The following INSL6 variants were observed in gnomAD, a reference collection of about 807,000 sequenced individuals.
INSL6 encodes the protein insulin like 6.
INSL6 carries 16 observed loss-of-function variants against 9.4 expected under a neutral mutation model. That is an observed-to-expected ratio of 1.70 (90% confidence interval 1.15 to 2.59). The LOEUF (loss-of-function observed/expected upper bound fraction) is 2.59, where lower values mean the gene tolerates loss of function less well. INSL6 is among the 30% of genes most tolerant of loss of function. The pLI is 0.00. For synonymous variants in INSL6, 154 were observed against 96.9 expected (o/e 1.59, Z -3.46); for missense variants, 391 against 257.3 (o/e 1.52, Z -3.56).
chr9:5,122,352 A>G (rs1245891733), downstream of INSL6, among the ~76,000 whole-genome samples: 1 of 152,040 alleles, frequency 6.6e-6, no homozygotes, highest in Admixed American at 6.6e-5. Context: ...TGTATTCCTT[A>G]GTCACCCCTC....
At chr9:5,168,606 T>A (rs185122510) in intron 1 of INSL6, among the ~76,000 whole-genome samples, 3 of 151,616 alleles carry the variant, frequency 2.0e-5, no homozygotes, top group African/African-American at 7.3e-5. Context: ...CTATGACTAA[T>A]AGGGGCACCT....
chr9:5,123,428 T>A (rs962759597), downstream of INSL6, among the ~76,000 whole-genome samples: 13 of 151,998 alleles, frequency 8.6e-5, no homozygotes, highest in Admixed American at 3.9e-4. Flanking sequence ...TATGGCTGAT[T>A]TGTTTCACTT....
At chr9:5,030,015 A>G in the INSL6 span, 1 of 826,490 alleles carries the variant, frequency 1.2e-6, no homozygotes, top group Non-Finnish European at 1.8e-6. Context: ...TGAACCAATT[A>G]GTTAGCACTC....
At chr9:5,057,638 A>C in the INSL6 span, among the ~76,000 whole-genome samples, 2 of 146,180 alleles carry the variant, frequency 1.4e-5, no homozygotes, top group East Asian at 2.0e-4. Context: ...GCTGGAGCAC[A>C]ATGGCGCGAT....
chr9:5,082,999 A>C, the INSL6 span, among the ~76,000 whole-genome samples: 1 of 152,218 alleles, frequency 6.6e-6, no homozygotes, highest in Non-Finnish European at 1.5e-5. Context: ...TTTTCCCTAT[A>C]ACTGAAGAAC....
chr9:5,183,405 C>G (rs1043348197), intron 1 of INSL6, among the ~76,000 whole-genome samples: 1 of 152,124 alleles, frequency 6.6e-6, no homozygotes, highest in African/African-American at 2.4e-5. Context: ...TTTTCAGATA[C>G]ATTTTTATTT....
chr9:5,080,577 G>C, the INSL6 span: 1 of 1,602,022 alleles, frequency 6.2e-7, no homozygotes, highest in Non-Finnish European at 8.5e-7. Context: ...CTGCACCAAA[G>C]TGGGCAGAAT....
chr9:5,013,942 T>G, the INSL6 span, among the ~76,000 whole-genome samples: 1 of 152,138 alleles, frequency 6.6e-6, no homozygotes, highest in Non-Finnish European at 1.5e-5. Flanking sequence ...AGGATGAAAC[T>G]TATTTTTAGG....
chr9:5,041,311 C>A, the INSL6 span: 1 of 789,170 alleles, frequency 1.3e-6, no homozygotes, highest in Non-Finnish European at 2.1e-6. Flanking sequence ...AGAAGCACAT[C>A]CCGTGCAGCC....
At chr9:5,178,497 G>A (rs1825370388) in intron 1 of INSL6, among the ~76,000 whole-genome samples, 1 of 151,902 alleles carries the variant, frequency 6.6e-6, no homozygotes, top group Non-Finnish European at 1.5e-5. Context: ...AGCCACTCCA[G>A]CCAGAGTTAT....
At chr9:5,110,692 A>T in the INSL6 span, 1 of 333,034 alleles carries the variant, frequency 3.0e-6, no homozygotes, top group Non-Finnish European at 5.9e-6. Context: ...AGCCCTTTCT[A>T]TTACTCTTAC....
At chr9:5,180,037 A>G (rs1331186087) in intron 1 of INSL6, among the ~76,000 whole-genome samples, 1 of 152,228 alleles carries the variant, frequency 6.6e-6, no homozygotes, top group Non-Finnish European at 1.5e-5. Context: ...TCCTCTTCAA[A>G]TTAGTGTATA....
the INSL6 span, among the ~76,000 whole-genome samples, chr9:5,021,381 G>A: frequency 6.6e-6 from 1 of 152,116 alleles, no homozygotes; most frequent in South Asian, 2.1e-4. Context: ...CTGTAACTGA[G>A]TTTAATGCTT....
chr9:5,121,404 C>G (rs370993942), downstream of INSL6, among the ~76,000 whole-genome samples: 1 of 152,152 alleles, frequency 6.6e-6, no homozygotes, highest in African/African-American at 2.4e-5. Flanking sequence ...ATTCTAAATT[C>G]ACTTGGTAAT....
the INSL6 span, among the ~76,000 whole-genome samples, chr9:5,115,203 TAAAC>T: frequency 3.9e-5 from 6 of 151,960 alleles, no homozygotes; most frequent in African/African-American, 1.2e-4. Flanking sequence ...ACAAAGAACT[TAAAC>T]AAGTTCACAA....
the INSL6 span, among the ~76,000 whole-genome samples, chr9:4,998,542 A>G: frequency 6.6e-6 from 1 of 152,274 alleles, no homozygotes; most frequent in Non-Finnish European, 1.5e-5. Flanking sequence ...GGCATGAGCC[A>G]CCATGCCCGG....
At chr9:5,132,012 T>A (rs1824302081) in intron 3 of INSL6, 1 of 152,204 alleles carries the variant, frequency 6.6e-6, no homozygotes, top group Non-Finnish European at 1.5e-5. Flanking sequence ...TTTATTACTT[T>A]TATAACTGCT....
At chr9:5,010,330 CTTT>C in the INSL6 span, among the ~76,000 whole-genome samples, 3 of 144,480 alleles carry the variant, frequency 2.1e-5, no homozygotes. Context: ...TGTCAGTTGT[CTTT>C]TTTTTTTTTA....
At chr9:5,055,889 G>C in the INSL6 span, 1 of 1,093,156 alleles carries the variant, frequency 9.1e-7, no homozygotes, top group Non-Finnish European at 1.3e-6. Context: ...TAGGAATTTT[G>C]ATTGTAGTTT....
Sources: allele counts gnomAD v4.1 joint callset (sites outside exome capture counted in the v4.1 genomes callset), GRCh38; gene constraint gnomAD v4.1.1; transcripts MANE v1.5; gene names NCBI Gene and HGNC (gene_info 2026-07-23, HGNC 2026-07-21).